Variants in ACER1 observed in about 807,000 individuals in gnomAD.
ACER1 encodes the protein alkaline ceramidase 1.
A neutral mutation model predicts 24.9 loss-of-function variants in ACER1; 28 were observed. The observed-to-expected ratio is 1.13, with a 90% CI of 0.83 to 1.54. The LOEUF (loss-of-function observed/expected upper bound fraction) is 1.54, where lower values mean the gene tolerates loss of function less well. Among genes scored for constraint, ACER1 ranks in the 40% most tolerant of loss-of-function variants. The pLI is 0.00. For synonymous variants in ACER1, 132 were observed against 131.4 expected (o/e 1.00, Z -0.03); for missense variants, 352 against 349.3 (o/e 1.01, Z -0.06).
the ACER1 span, among the ~76,000 whole-genome samples, chr19:6,351,385 T>A: frequency 6.6e-6 from 1 of 150,580 alleles, no homozygotes; most frequent in Non-Finnish European, 1.5e-5. Context: ...AAAATAATAA[T>A]AATAATAAAT....
At chr19:6,324,141 T>C (rs2091646782) in intron 1 of ACER1, among the ~76,000 whole-genome samples, 1 of 151,092 alleles carries the variant, frequency 6.6e-6, no homozygotes, top group Admixed American at 6.6e-5. Flanking sequence ...ACCTCCCAGC[T>C]TCAAGCGATT....
upstream of ACER1, among the ~76,000 whole-genome samples, chr19:6,337,657 CTTTCTTTTTTTTTTTT>C (rs2091719899): frequency 3.9e-5 from 2 of 51,008 alleles, no homozygotes; most frequent in East Asian, 6.2e-4. Context: ...TTCTTTCTTT[CTTTCTTTTTTTTTTTT>C]TTTTTTTTTT....
chr19:6,309,961 C>T, intron 3 of ACER1, 127 bp from the exon 4 acceptor site: 1 of 1,226,190 alleles, frequency 8.2e-7, no homozygotes, highest in Admixed American at 2.2e-5. Context: ...CAGATAGGCT[C>T]AGAAAAGGGT....
chr19:6,325,777 T>G (rs1222725137), intron 1 of ACER1, among the ~76,000 whole-genome samples: 1 of 152,076 alleles, frequency 6.6e-6, no homozygotes, highest in African/African-American at 2.4e-5. Flanking sequence ...GGAGGACTGC[T>G]GGAGCCCAGG....
chr19:6,346,892 G>A, the ACER1 span, among the ~76,000 whole-genome samples: 1 of 151,658 alleles, frequency 6.6e-6, no homozygotes, highest in Admixed American at 6.6e-5. Flanking sequence ...CCTTCTTGAA[G>A]GCTGAGACCG....
chr19:6,307,751 G>A (rs575206713), intron 4 of ACER1, among the ~76,000 whole-genome samples: 21 of 151,388 alleles, frequency 1.4e-4, no homozygotes, highest in African/African-American at 4.1e-4. Flanking sequence ...TGATTGCGCC[G>A]CTGCACTCCG....
upstream of ACER1, among the ~76,000 whole-genome samples, chr19:6,333,946 C>G (rs2091702504): frequency 6.6e-6 from 1 of 152,184 alleles, no homozygotes; most frequent in Admixed American, 6.5e-5. Flanking sequence ...GTGGCATCAT[C>G]ATAGCTCACC....
chr19:6,312,152 T>C lies in ACER1; in HGVS notation c.347A>G (p.Asn116Ser), dbSNP rs751125774. The stretch of plus-strand genomic sequence containing the variant: ...AGATGGCCAGCCCCTGACCCACCTG[T>C]TCCCCCCAAGGAAGGAGGGGAAATA... The part of the protein sequence containing the change: ...RCYFPSFLGG[N>S]RSQFIRLVFI... Residue 116 changes from asparagine to serine, a missense_variant, in exon 3 of 6, where the codon AAC (asparagine) becomes AGC (serine). Coordinates refer to ENST00000301452, the MANE Select transcript of ACER1 (RefSeq NM_133492.3). 3.7e-6 allele frequency: 6 copies of C among 1,613,360 alleles called. No individual in the cohort carries two copies. In the African/African-American group the frequency reaches 4.0e-5, roughly 11 times the overall value.
intron 1 of ACER1, among the ~76,000 whole-genome samples, chr19:6,313,741 T>C (rs895414057): frequency 7.2e-5 from 11 of 152,358 alleles, no homozygotes; most frequent in African/African-American, 2.6e-4. Context: ...GAAATGATAC[T>C]GTGTGACTTC....
chr19:6,309,597 G>A, intron 4 of ACER1, 100 bp downstream of exon 4: 2 of 1,469,798 alleles, frequency 1.4e-6, no homozygotes, highest in Admixed American at 1.8e-5. Flanking sequence ...TTGTTAGTGG[G>A]TGATCTTGGA....
intron 1 of ACER1, among the ~76,000 whole-genome samples, chr19:6,317,976 A>T (rs933163277): frequency 6.6e-6 from 1 of 151,918 alleles, no homozygotes; most frequent in Non-Finnish European, 1.5e-5. Flanking sequence ...GCTGGTCTCG[A>T]ACTCCTGAAC....
At chr19:6,343,862 T>G in the ACER1 span, 8 of 152,202 alleles carry the variant, frequency 5.3e-5, no homozygotes, top group African/African-American at 1.9e-4. Flanking sequence ...AATGAACATG[T>G]CCTACAACCA....
chr19:6,355,765 C>G, the ACER1 span, among the ~76,000 whole-genome samples: 5 of 141,270 alleles, frequency 3.5e-5, no homozygotes, highest in South Asian at 2.2e-4. Flanking sequence ...GTCAGCCCCC[C>G]ACCCGGCCAG....
At chr19:6,335,183 T>C (rs1247404250), upstream of ACER1, among the ~76,000 whole-genome samples, 1 of 147,190 alleles carries the variant, frequency 6.8e-6, no homozygotes, top group Admixed American at 6.9e-5. Flanking sequence ...AATTTTTCTT[T>C]TTTTAAGTGC....
rs915505956 is a variant in ACER1, at chr19:6,312,394, T to C, written c.199A>G (p.Met67Val). ...RYIYVVWVLF[M>V]IIGLFSMYFH... ...AACCACACCTCCCTACCTATGATCA[T>C]GAAGAGGACCCAGACAACGTAAATG... Residue 67 changes from methionine to valine, a missense_variant, in exon 2 of 6, where the codon ATG (methionine) becomes GTG (valine). Coordinates refer to ENST00000301452, the MANE Select transcript of ACER1 (RefSeq NM_133492.3). 5 of 1,613,856 alleles carry C rather than the reference T, an allele frequency of 3.1e-6. No homozygotes were observed. In the Admixed American group the frequency reaches 5.0e-5, roughly 16 times the overall value.
chr19:6,309,586 C>A, intron 4 of ACER1, 111 bp downstream of exon 4: 1 of 1,404,426 alleles, frequency 7.1e-7, no homozygotes, highest in Non-Finnish European at 9.8e-7. Flanking sequence ...GGCCCTGCTA[C>A]TTGTTAGTGG....
chr19:6,330,683 G>A (rs75749835), intron 1 of ACER1, among the ~76,000 whole-genome samples: 4,829 of 148,344 alleles, frequency 0.033, 713 homozygotes, highest in African/African-American at 0.12. Flanking sequence ...AGTGGCTGCT[G>A]GGGATTCCAG....
At chr19:6,307,369 C>A in intron 4 of ACER1, 79 bp from the exon 5 acceptor site, 2 of 1,522,300 alleles carry the variant, frequency 1.3e-6, no homozygotes, top group Non-Finnish European at 1.8e-6. Context: ...CCTCCTTCCA[C>A]AGTGATGAGG....
Position 6,333,516 on chromosome 19 carries a change from C to A in ACER1, c.36G>T (p.Val12=). Residue 12 remains valine (V), a synonymous_variant, in exon 1 of 6, where the codon GTG becomes GTT. Transcript: ENST00000301452. ...ACTGGAAGTTGCTCTCACACCAGTCCACCTCGGAGCTCTGATAGGCGAAGA... is the reference window on the plus strand; with the variant it reads ...ACTGGAAGTTGCTCTCACACCAGTCAACCTCGGAGCTCTGATAGGCGAAGA... The part of the protein sequence containing the change: ...PSIFAYQSSE[V]DWCESNFQYS... 6.3e-7 allele frequency: 1 copy of A among 1,591,886 alleles called. No individual in the cohort carries two copies. The highest frequency in any genetic ancestry group is 2.3e-5 in the East Asian group (1 of 44,082).
Sources: allele counts gnomAD v4.1 joint callset (sites outside exome capture counted in the v4.1 genomes callset), GRCh38; gene constraint gnomAD v4.1.1; transcripts MANE v1.5; gene names NCBI Gene and HGNC (gene_info 2026-07-23, HGNC 2026-07-21).